Variants in FSD2 observed in about 807,000 individuals in gnomAD.
FSD2 encodes the protein fibronectin type III and SPRY domain containing 2.
Under a neutral mutation model 80.4 loss-of-function variants are expected in FSD2, and 71 were observed. The ratio of observed to expected loss-of-function variants is 0.88; its 90% CI spans 0.73 to 1.08. FSD2 has a LOEUF of 1.08. Among genes scored for constraint, FSD2 ranks in the 50% least tolerant of loss-of-function variants. FSD2 has a pLI of 0.00. For missense variants in FSD2, 923 were observed against 913.8 expected, an observed-to-expected ratio of 1.01 and a Z score of -0.13; for synonymous variants, 361 against 329.5, an observed-to-expected ratio of 1.10 and a Z score of -1.03.
chr15:82,771,950 A>G (rs2049586184), intron 7 of FSD2, 123 bp downstream of exon 7: 2 of 1,032,220 alleles, frequency 1.9e-6, no homozygotes, highest in Non-Finnish European at 1.3e-6. Flanking sequence ...CCTGCATCCA[A>G]TCCTCTGCAT....
At position 82,765,990 on chromosome 15, in the gene FSD2, A is replaced by G. The variant is rs1217596498; in HGVS notation, c.1595T>C (p.Leu532Pro). The change falls in exon 10 of 13, where the codon CTG becomes CCG. Residue 532 changes from leucine (L) to proline (P), a missense_variant. Transcript: ENST00000334574. ...GIPTCESVVQLQPGRSYIIYV... is the reference protein window; with the variant it reads ...GIPTCESVVQPQPGRSYIIYV... ...GATAATGTAGCTCCGCCCCGGCTGC[A>G]GCTGCACCACGGACTCGCAGGTCGG... The G allele has an allele frequency of 6.3e-7, 1 of 1,598,014 alleles. No homozygotes were observed. Among genetic ancestry groups the G allele is most frequent in the East Asian group, 2.3e-5 (1 of 44,284 alleles).
chr15:82,755,755 G>C lies in FSD2; in HGVS notation c.*3593C>G. 1 of 224,882 alleles carries C rather than the reference G, an allele frequency of 4.4e-6. No individual in the cohort carries two copies. The highest frequency in any genetic ancestry group is 9.3e-6 in the Non-Finnish European group (1 of 107,752). 13.9% of individuals were successfully genotyped at this position (224,882 alleles called of 1,614,324 possible). A position where few individuals can be genotyped will look rare whatever the true frequency, so the allele number is the denominator to read the frequency against. On this transcript the variant is annotated 3_prime_UTR_variant, in exon 13 of 13. Coordinates refer to ENST00000334574, the MANE Select transcript of FSD2 (RefSeq NM_001007122.4). ...GAGACTTCCTGATGACAGAAAAGATGCTGACCAGCTGGGGTCTTCTTTCCA... is the reference window on the plus strand; with the variant it reads ...GAGACTTCCTGATGACAGAAAAGATCCTGACCAGCTGGGGTCTTCTTTCCA...
rs1223228821 is a variant in FSD2 at position 82,757,491 on chromosome 15, C to T, written c.*1857G>A. On this transcript the variant is annotated 3_prime_UTR_variant, in exon 13 of 13. Coordinates refer to ENST00000334574, the MANE Select transcript of FSD2 (RefSeq NM_001007122.4). The stretch of plus-strand genomic sequence containing the variant: ...GGACTACAGGCGCCCGCCACCAGTC[C>T]CGGCTAATTTTTTTGTATTTTTAGT... The T allele has an allele frequency of 2.0e-5, 3 of 147,470 alleles. No individual in the cohort carries two copies. Among genetic ancestry groups the T allele is most frequent in the Non-Finnish European group, 4.6e-5 (3 of 65,900 alleles). The allele number at this position is 147,470 out of a possible 1,614,324, so 9.1% of individuals were successfully genotyped here. A position where few individuals can be genotyped will look rare whatever the true frequency, so the allele number is the denominator to read the frequency against.
chr15:82,787,079 A>T lies in FSD2; in HGVS notation c.312T>A (p.Pro104=). ...GGTCTCTCCTCTTCATCATATAAGG[A>T]GGATATTCTGAAACCCCTGTTCTGG... ...NIPRTGVSEY[P]PYMMKRRDPA... is the part of the protein sequence containing the mutation. Residue 104 remains proline, a synonymous_variant, in exon 2 of 13, where the codon CCT becomes CCA. Transcript: ENST00000334574. 6.2e-7 allele frequency: 1 copy of T among 1,613,944 alleles called. No homozygotes were observed. The highest frequency in any genetic ancestry group is 1.1e-5 in the South Asian group (1 of 91,082).
In FSD2 at chr15:82,782,794, C is replaced by G; in HGVS notation, c.966+1G>C. 1 of 1,591,730 alleles carries G rather than the reference C, an allele frequency of 6.3e-7. No homozygotes were observed. Among genetic ancestry groups the G allele is most frequent in the South Asian group, 1.1e-5 (1 of 88,024 alleles). On this transcript the variant is annotated splice_donor_variant, in intron 4 of 12. Coordinates refer to ENST00000334574, the MANE Select transcript of FSD2 (RefSeq NM_001007122.4). LOFTEE classifies it high-confidence loss of function. ...TTATTTCATTTTGTTTCATTACTGA[C>G]CTTTATGAAATCCACCTTCTCCTCG...
chr15:82,779,932 T>G (rs12910279), intron 5 of FSD2, among the ~76,000 whole-genome samples: 8 of 151,844 alleles, frequency 5.3e-5, no homozygotes, highest in Non-Finnish European at 1.2e-4. Flanking sequence ...CCAGGCATAG[T>G]GGGGGGATGT....
At chr15:82,761,548 G>A (rs1023683052) in intron 12 of FSD2, among the ~76,000 whole-genome samples, 5 of 152,132 alleles carry the variant, frequency 3.3e-5, no homozygotes, top group Non-Finnish European at 7.3e-5. Flanking sequence ...TAAGTGGTTA[G>A]GAATGAAATC....
chr15:82,801,558 G>A (rs1381510592), intron 1 of FSD2, among the ~76,000 whole-genome samples: 1 of 152,130 alleles, frequency 6.6e-6, no homozygotes, highest in Non-Finnish European at 1.5e-5. Context: ...TGTTTTTCTA[G>A]GTACTGTATC....
chr15:82,790,731 A>T (rs1285948084), intron 1 of FSD2, among the ~76,000 whole-genome samples: 3 of 140,776 alleles, frequency 2.1e-5, no homozygotes, highest in South Asian at 2.2e-4. Flanking sequence ...GCCCGCCACC[A>T]TGCCCAGCTA....
intron 1 of FSD2, among the ~76,000 whole-genome samples, chr15:82,792,094 A>G (rs2050165735): frequency 6.6e-6 from 1 of 152,196 alleles, no homozygotes; most frequent in Non-Finnish European, 1.5e-5. Context: ...ATATGTTTTC[A>G]TCTCTTGCAG....
intron 1 of FSD2, among the ~76,000 whole-genome samples, chr15:82,796,783 G>A (rs747888159): frequency 1.1e-4 from 16 of 152,054 alleles, no homozygotes; most frequent in Non-Finnish European, 2.2e-4. Flanking sequence ...ATCTGTATGC[G>A]AAGACTTTCC....
At position 82,759,049 on chromosome 15, in the gene FSD2, A is replaced by G. The variant is rs1388089989; in HGVS notation, c.*299T>C. 9 of 293,492 alleles carry G rather than the reference A, an allele frequency of 3.1e-5. No individual in the cohort carries two copies. 18.2% of individuals were successfully genotyped at this position (293,492 alleles called of 1,614,324 possible). A position where few individuals can be genotyped will look rare whatever the true frequency, so the allele number is the denominator to read the frequency against. On this transcript the variant is annotated 3_prime_UTR_variant, in exon 13 of 13. Transcript: ENST00000334574. ...GCTCTCTAGGTCTTGGAAACTCAAG[A>G]TATTTTGCATATACACGAATATAGT...
At position 82,802,283 on chromosome 15, in the gene FSD2, C is replaced by T. The variant is rs538355227; in HGVS notation, c.-79+3683G>A. Among the ~76,000 whole-genome samples, 45 of 152,290 alleles carry T rather than the reference C, an allele frequency of 3.0e-4. 2 individuals are homozygous for T. The South Asian group carries it at 8.9e-3, about 30-fold the overall frequency. Reference sequence around the variant, plus strand: ...TACCAGACCCAAGGGATTGCTAGCTCCTCCTGGGTATCATGCACATTGCCT... The same window carrying T: ...TACCAGACCCAAGGGATTGCTAGCTTCTCCTGGGTATCATGCACATTGCCT... On this transcript the variant is annotated intron_variant, in intron 1 of 12. Transcript: ENST00000334574.
chr15:82,784,672 C>G (rs913828838), intron 3 of FSD2, among the ~76,000 whole-genome samples: 2 of 152,194 alleles, frequency 1.3e-5, no homozygotes, highest in African/African-American at 4.8e-5. Context: ...TAGCTCTCCT[C>G]CCTTGTAAGA....
At position 82,763,897 on chromosome 15, in the gene FSD2, G is replaced by T. The variant is rs7183053; in HGVS notation, c.1820+1269C>A. On this transcript the variant is annotated intron_variant, in intron 11 of 12. Transcript: ENST00000334574. ...CTCTTCCCGTCATGGATCCTATACC[G>T]CAGACATACCAAATTCCTTATATTT... is the stretch of plus-strand genomic sequence containing the variant. 1.5e-3 allele frequency among the ~76,000 whole-genome samples: 230 copies of T among 152,152 alleles called. 3 individuals are homozygous for T. The highest frequency in any genetic ancestry group is 0.013 in the Admixed American group (197 of 15,286).
At chr15:82,774,862 C>T (rs2049675949) in intron 6 of FSD2, among the ~76,000 whole-genome samples, 1 of 151,670 alleles carries the variant, frequency 6.6e-6, no homozygotes, top group Non-Finnish European at 1.5e-5. Flanking sequence ...GTTGGGATTA[C>T]AGGCACGTGC....
chr15:82,759,246 T>C lies in FSD2; in HGVS notation c.*102A>G. 9 of 1,261,376 alleles carry C rather than the reference T, an allele frequency of 7.1e-6. No homozygotes were observed. The highest frequency in any genetic ancestry group is 9.8e-6 in the Non-Finnish European group (9 of 922,368). 78.1% of individuals were successfully genotyped at this position (1,261,376 alleles called of 1,614,324 possible). The stretch of plus-strand genomic sequence containing the variant: ...AGATAATAGCATGAGCCATAAATTG[T>C]GCTGGGCACATGGTGCTTAAGTGCC... On this transcript the variant is annotated 3_prime_UTR_variant, in exon 13 of 13. Transcript: ENST00000334574.
At chr15:82,785,802 G>A (rs560799487) in intron 3 of FSD2, among the ~76,000 whole-genome samples, 69 of 152,078 alleles carry the variant, frequency 4.5e-4, no homozygotes, top group African/African-American at 1.6e-3. Context: ...AACAACTCCC[G>A]AAACCAACGG....
At chr15:82,780,315 T>A in intron 4 of FSD2, 48 bp from the exon 5 acceptor site, 1 of 1,322,488 alleles carries the variant, frequency 7.6e-7, no homozygotes, top group Non-Finnish European at 1.0e-6. Context: ...GAAATAAATT[T>A]CTTTTTTCTT....
Sources: allele counts gnomAD v4.1 joint callset (sites outside exome capture counted in the v4.1 genomes callset), GRCh38; gene constraint gnomAD v4.1.1; transcripts MANE v1.5; gene names NCBI Gene and HGNC (gene_info 2026-07-23, HGNC 2026-07-21).